MAGI1: variants seen among roughly 807,000 people sequenced by gnomAD.
MAGI1 encodes the protein membrane associated guanylate kinase, WW and PDZ domain containing 1.
Under a neutral mutation model 139.9 loss-of-function variants are expected in MAGI1, and 58 were observed. The observed-to-expected ratio is 0.41, with a 90% CI of 0.34 to 0.52. The LOEUF (loss-of-function observed/expected upper bound fraction) is 0.52. Ranked by LOEUF, MAGI1 falls within the 20% of genes least tolerant of loss-of-function variation. The pLI is 0.12. For missense variants in MAGI1, 1,874 were observed against 1,901.6 expected (o/e 0.99, Z 0.27); for synonymous variants, 812 against 737.9 (o/e 1.10, Z -1.63).
chr3:65,886,778 T>C (rs1373555600), intron 1 of MAGI1, among the ~76,000 whole-genome samples: 1 of 152,214 alleles, frequency 6.6e-6, no homozygotes, highest in Non-Finnish European at 1.5e-5. Flanking sequence ...GAAATGAACT[T>C]CTACTATATT....
intron 1 of MAGI1, among the ~76,000 whole-genome samples, chr3:65,652,802 G>A (rs2085658734): frequency 6.6e-6 from 1 of 152,080 alleles, no homozygotes; most frequent in Non-Finnish European, 1.5e-5. Flanking sequence ...AATATTAACT[G>A]GCCACTGGTT....
chr3:65,782,390 AGGAAG>A (rs1442191109), intron 1 of MAGI1, among the ~76,000 whole-genome samples: 1 of 152,160 alleles, frequency 6.6e-6, no homozygotes, highest in Non-Finnish European at 1.5e-5. Flanking sequence ...ATAAAGCCTT[AGGAAG>A]GGAACACAGC....
intron 2 of MAGI1, among the ~76,000 whole-genome samples, chr3:65,502,212 C>T (rs976962772): frequency 4.6e-5 from 7 of 152,178 alleles, no homozygotes; most frequent in African/African-American, 1.4e-4. Flanking sequence ...AAATCAGCTT[C>T]ATCCTGCCAT....
At chr3:65,647,658 T>C (rs2085338560) in intron 1 of MAGI1, among the ~76,000 whole-genome samples, 1 of 152,214 alleles carries the variant, frequency 6.6e-6, no homozygotes, top group Admixed American at 6.5e-5. Flanking sequence ...AGAAACCACA[T>C]GATCATATCA....
chr3:65,801,777 A>G (rs56317172), intron 1 of MAGI1, among the ~76,000 whole-genome samples: 38,866 of 152,046 alleles, frequency 0.26, 5,271 homozygotes, highest in East Asian at 0.42. Context: ...TCAATTCACT[A>G]TAAGATTTTC....
chr3:66,036,384 G>A (rs1366613950), intron 1 of MAGI1, among the ~76,000 whole-genome samples: 1 of 152,086 alleles, frequency 6.6e-6, no homozygotes, highest in Non-Finnish European at 1.5e-5. Flanking sequence ...CAGGAATGAG[G>A]CACAATCTCT....
chr3:65,786,608 A>ATT (rs34768515), intron 1 of MAGI1, among the ~76,000 whole-genome samples: 4,353 of 128,298 alleles, frequency 0.034, 119 homozygotes, highest in Non-Finnish European at 0.047. Context: ...TGGCCCAAGA[A>ATT]TTTTTTTTTT....
chr3:65,841,642 G>C (rs1350031438), intron 1 of MAGI1, among the ~76,000 whole-genome samples: 5 of 151,982 alleles, frequency 3.3e-5, no homozygotes, highest in African/African-American at 7.2e-5. Flanking sequence ...TCGCTAGGCT[G>C]ATCTTGAACT....
chr3:65,839,144 A>AT (rs1434540132), intron 1 of MAGI1, among the ~76,000 whole-genome samples: 12 of 152,194 alleles, frequency 7.9e-5, no homozygotes, highest in African/African-American at 2.9e-4. Context: ...AACAGACCAC[A>AT]TATACAATGG....
chr3:65,640,407 G>C (rs1286897320), intron 1 of MAGI1, among the ~76,000 whole-genome samples: 1 of 152,068 alleles, frequency 6.6e-6, no homozygotes, highest in Admixed American at 6.6e-5. Flanking sequence ...AACCCCAGAG[G>C]CCTCTCCTGT....
chr3:65,691,029 T>G (rs2088580569), intron 1 of MAGI1, among the ~76,000 whole-genome samples: 1 of 151,668 alleles, frequency 6.6e-6, no homozygotes, highest in Non-Finnish European at 1.5e-5. Flanking sequence ...TCAGCCTGGG[T>G]GTGGTGGCTC....
intron 3 of MAGI1, among the ~76,000 whole-genome samples, chr3:65,483,597 T>G (rs1452129954): frequency 6.6e-6 from 1 of 152,198 alleles, no homozygotes; most frequent in Non-Finnish European, 1.5e-5. Flanking sequence ...GGCTGCACAG[T>G]GTCTAGGAGC....
intron 2 of MAGI1, among the ~76,000 whole-genome samples, chr3:65,521,638 G>A (rs1301911051): frequency 6.6e-6 from 1 of 151,972 alleles, no homozygotes; most frequent in East Asian, 1.9e-4. Flanking sequence ...CTGAGTTCCT[G>A]AGTGATTTAT....
chr3:65,689,655 A>C (rs1316272805), intron 1 of MAGI1, among the ~76,000 whole-genome samples: 2 of 152,166 alleles, frequency 1.3e-5, no homozygotes, highest in Admixed American at 1.3e-4. Context: ...GAATATTCAA[A>C]GTCATCTTGG....
chr3:65,374,421 G>A (rs760718184), intron 18 of MAGI1, among the ~76,000 whole-genome samples: 8 of 147,174 alleles, frequency 5.4e-5, no homozygotes, highest in Non-Finnish European at 1.2e-4. Flanking sequence ...AGGCTCAAGC[G>A]ATTCTTCTGC....
chr3:65,458,758 G>T (rs1053062087), intron 5 of MAGI1, among the ~76,000 whole-genome samples: 1 of 152,042 alleles, frequency 6.6e-6, no homozygotes, highest in Non-Finnish European at 1.5e-5. Flanking sequence ...CATTCTGTGG[G>T]TTGTCTCCTC....
intron 1 of MAGI1, among the ~76,000 whole-genome samples, chr3:65,639,192 G>A (rs1423727387): frequency 6.6e-6 from 1 of 152,062 alleles, no homozygotes; most frequent in African/African-American, 2.4e-5. Flanking sequence ...ACTTGTAAAG[G>A]CCCCTTATAT....
chr3:65,688,235 C>A, intron 1 of MAGI1: 3 of 812,224 alleles, frequency 3.7e-6, no homozygotes, highest in Non-Finnish European at 6.3e-6. Context: ...TAGTCTGCTA[C>A]ACAGCCCAGA....
intron 1 of MAGI1, among the ~76,000 whole-genome samples, chr3:65,963,313 TAAA>T (rs760893715): frequency 2.9e-5 from 3 of 104,220 alleles, no homozygotes; most frequent in African/African-American, 1.4e-4. Flanking sequence ...CTCTGTCTCT[TAAA>T]AAAAAAAAAA....
Sources: gnomAD v4.1 joint callset for allele counts (sites outside exome capture counted in the v4.1 genomes callset) on GRCh38, gnomAD v4.1.1 for gene constraint, MANE v1.5 for transcripts, NCBI Gene and HGNC (gene_info 2026-07-23, HGNC 2026-07-21) for gene names.